The following RCL1 variants were observed in gnomAD, a reference collection of about 807,000 sequenced individuals.
The protein encoded by RCL1 is RNA 3'-terminal phosphate cyclase-like protein.
Under a neutral mutation model 42.4 loss-of-function variants are expected in RCL1, and 24 were observed. The ratio of observed to expected loss-of-function variants is 0.57; its 90% confidence interval spans 0.41 to 0.80. The LOEUF (loss-of-function observed/expected upper bound fraction) is 0.80. Among genes scored for constraint, RCL1 ranks in the 30% least tolerant of loss-of-function variants. The pLI is 0.00. For synonymous variants in RCL1, 228 were observed against 177.3 expected (o/e 1.29, Z -2.27); for missense variants, 578 against 467.9 (o/e 1.24, Z -2.17).
At chr9:4,831,787 C>G (rs1037775665) in intron 3 of RCL1, among the ~76,000 whole-genome samples, 1 of 152,214 alleles carries the variant, frequency 6.6e-6, no homozygotes, top group South Asian at 2.1e-4. Flanking sequence ...CAGGTCATTC[C>G]TAAGTCTGGT....
intron 7 of RCL1, 50 bp from the exon 8 acceptor site, chr9:4,849,397 T>G: frequency 6.9e-7 from 1 of 1,440,900 alleles, no homozygotes; most frequent in Middle Eastern, 1.7e-4. Context: ...TCCTCTCTTT[T>G]GTTGGCTTTC....
chr9:4,854,778 C>T (rs955612324), intron 8 of RCL1, among the ~76,000 whole-genome samples: 7 of 152,006 alleles, frequency 4.6e-5, no homozygotes, highest in Admixed American at 2.6e-4. Context: ...ATAGGAAGGC[C>T]GGGTGCGGTG....
chr9:4,819,732 G>A (rs577357252), intron 1 of RCL1, among the ~76,000 whole-genome samples: 20 of 152,256 alleles, frequency 1.3e-4, no homozygotes, highest in Admixed American at 5.2e-4. Flanking sequence ...GCTTGAACCC[G>A]GGAGGCGGAG....
At chr9:4,814,735 T>G (rs952796235) in intron 1 of RCL1, among the ~76,000 whole-genome samples, 3 of 152,186 alleles carry the variant, frequency 2.0e-5, no homozygotes, top group Non-Finnish European at 2.9e-5. Flanking sequence ...CTTTCATGTT[T>G]TTTCATGGTA....
intron 1 of RCL1, among the ~76,000 whole-genome samples, chr9:4,800,315 G>A (rs559464522): frequency 1.3e-5 from 2 of 151,824 alleles, no homozygotes; most frequent in African/African-American, 4.8e-5. Flanking sequence ...CCCGGGTTCA[G>A]GCGATTCTCC....
At chr9:4,795,086 CT>C (rs5896093) in intron 1 of RCL1, among the ~76,000 whole-genome samples, 1 of 151,132 alleles carries the variant, frequency 6.6e-6, no homozygotes, top group Non-Finnish European at 1.5e-5. Flanking sequence ...TAATTTCTTT[CT>C]TTTTTTTTGA....
chr9:4,836,555 TG>T (rs1211993257), intron 5 of RCL1, among the ~76,000 whole-genome samples: 1 of 149,786 alleles, frequency 6.7e-6, no homozygotes, highest in African/African-American at 2.5e-5. Context: ...TGGGAGCAGG[TG>T]TTGGAGGCCG....
At chr9:4,838,850 T>C (rs1817222980) in intron 5 of RCL1, among the ~76,000 whole-genome samples, 1 of 152,224 alleles carries the variant, frequency 6.6e-6, no homozygotes, top group South Asian at 2.1e-4. Flanking sequence ...GAACCTCTGC[T>C]TGGGATTTGA....
chr9:4,844,751 G>A, intron 7 of RCL1, 70 bp downstream of exon 7: 3 of 1,509,396 alleles, frequency 2.0e-6, no homozygotes, highest in Non-Finnish European at 2.7e-6. Flanking sequence ...TCATCTCTTG[G>A]CAGCTTTCGT....
At chr9:4,808,278 A>G (rs182545191) in intron 1 of RCL1, among the ~76,000 whole-genome samples, 250 of 152,076 alleles carry the variant, frequency 1.6e-3, no homozygotes, top group Admixed American at 3.6e-3. Flanking sequence ...TTATTATATA[A>G]TGTATCACTC....
At chr9:4,810,240 A>G (rs888249725) in intron 1 of RCL1, among the ~76,000 whole-genome samples, 2 of 152,196 alleles carry the variant, frequency 1.3e-5, no homozygotes, top group Non-Finnish European at 1.5e-5. Context: ...CAATAAATGT[A>G]CAGTTTGATG....
At position 4,860,731 on chromosome 9, in the gene RCL1, A is replaced by T. The variant is rs1818145001; in HGVS notation, c.*456A>T. 1 of 156,296 alleles carries T rather than the reference A, an allele frequency of 6.4e-6. No individual in the cohort carries two copies. The highest frequency in any genetic ancestry group is 1.9e-4 in the South Asian group (1 of 5,142). 9.7% of individuals were successfully genotyped at this position (156,296 alleles called of 1,614,324 possible). On this transcript the variant is annotated 3_prime_UTR_variant, in exon 9 of 9. Transcript: ENST00000381750. The stretch of plus-strand genomic sequence containing the variant: ...TGTTGTAGGGATTAAATGAGATAAT[A>T]TGAGTGGCAGCTCTTCATGAGTCCT...
chr9:4,859,977 A>C, intron 8 of RCL1, 148 bp from the exon 9 acceptor site: 1 of 526,280 alleles, frequency 1.9e-6, no homozygotes, highest in Non-Finnish European at 3.2e-6. Flanking sequence ...GGCTGAAAGG[A>C]AGTACTATTT....
intron 5 of RCL1, among the ~76,000 whole-genome samples, chr9:4,838,050 A>T (rs997296669): frequency 6.6e-6 from 1 of 152,182 alleles, no homozygotes; most frequent in East Asian, 1.9e-4. Flanking sequence ...CCTCTTCTCC[A>T]GTTTTGGAGC....
intron 8 of RCL1, among the ~76,000 whole-genome samples, chr9:4,851,788 A>G (rs1174725177): frequency 6.6e-6 from 1 of 150,608 alleles, no homozygotes; most frequent in Non-Finnish European, 1.5e-5. Flanking sequence ...TTTCGTGTGT[A>G]TAAAACAGCT....
intron 3 of RCL1, among the ~76,000 whole-genome samples, chr9:4,827,759 C>CGTGTGT (rs1183139914): frequency 4.5e-5 from 2 of 44,924 alleles, no homozygotes; most frequent in Non-Finnish European, 1.2e-4. Context: ...TGTGTGTGCA[C>CGTGTGT]GCGTGTGTGT....
intron 1 of RCL1, chr9:4,804,389 G>T (rs7872862): frequency 3.3e-5 from 5 of 152,296 alleles, no homozygotes; most frequent in African/African-American, 1.2e-4. Flanking sequence ...AGTGGGTGCC[G>T]GCACGGCTGC....
chr9:4,854,458 C>A lies in RCL1; in HGVS notation c.971+4908C>A, dbSNP rs879652278. Among the ~76,000 whole-genome samples, 4 of 152,184 alleles carry A rather than the reference C, an allele frequency of 2.6e-5. 1 individual carries two copies. The East Asian group carries it at 7.7e-4, about 29-fold the overall frequency. ...TGTCCTTACACCTGAGATGTAGGTACCCCCAGCTCTGTCCCATATCCAGTG... is the reference window on the plus strand; with the variant it reads ...TGTCCTTACACCTGAGATGTAGGTAACCCCAGCTCTGTCCCATATCCAGTG... On this transcript the variant is annotated intron_variant, in intron 8 of 8. Coordinates refer to ENST00000381750, the MANE Select transcript of RCL1 (RefSeq NM_005772.5).
At chr9:4,825,949 G>C (rs528492745) in intron 2 of RCL1, among the ~76,000 whole-genome samples, 1 of 152,006 alleles carries the variant, frequency 6.6e-6, no homozygotes, top group South Asian at 2.1e-4. Context: ...AAAATGATTA[G>C]CTGAGTGTGG....
Sources: allele counts gnomAD v4.1 joint callset (sites outside exome capture counted in the v4.1 genomes callset), GRCh38; gene constraint gnomAD v4.1.1; transcripts MANE v1.5; gene names NCBI Gene and HGNC (gene_info 2026-07-23, HGNC 2026-07-21).